COG7: variants seen among roughly 807,000 people sequenced by gnomAD.
The protein encoded by COG7 is component of oligomeric golgi complex 7.
Under a neutral mutation model 91.5 loss-of-function variants are expected in COG7, and 49 were observed. The ratio of observed to expected loss-of-function variants is 0.54; its 90% CI spans 0.43 to 0.68. The LOEUF is 0.68. Among genes scored for constraint, COG7 ranks in the 30% least tolerant of loss-of-function variants. COG7 has a pLI of 0.00. For synonymous variants in COG7, 365 were observed against 388.7 expected (o/e 0.94, Z 0.72); for missense variants, 895 against 961.3 (o/e 0.93, Z 0.91).
At chr16:23,433,819 G>T in intron 5 of COG7, 152 bp from the exon 6 acceptor site, 1 of 593,686 alleles carries the variant, frequency 1.7e-6, no homozygotes, top group Non-Finnish European at 2.9e-6. Context: ...AGAAAGGCAG[G>T]AAAAAAAAAA....
intron 10 of COG7, 99 bp from the exon 11 acceptor site, chr16:23,410,459 C>T: frequency 9.9e-7 from 1 of 1,006,884 alleles, no homozygotes; most frequent in Non-Finnish European, 1.5e-6. Context: ...CTATTTGCTC[C>T]TTTGGGTAGT....
At position 23,452,997 on chromosome 16, in the gene COG7, C is replaced by A; in HGVS notation, c.-3G>T. 1 of 1,614,038 alleles carries A rather than the reference C, an allele frequency of 6.2e-7. No individual in the cohort carries two copies. The highest frequency in any genetic ancestry group is 1.1e-5 in the South Asian group (1 of 91,072). ...GCCAGGAACTTGGAGAAGTCCATGG[C>A]GGAACTGCCTCAGGCCTGGCGTCCA... is the stretch of plus-strand genomic sequence containing the variant. On this transcript the variant is annotated 5_prime_UTR_variant, in exon 1 of 17. Coordinates refer to ENST00000307149, the MANE Select transcript of COG7 (RefSeq NM_153603.4).
At chr16:23,391,518 G>A (rs551999900) in intron 16 of COG7, among the ~76,000 whole-genome samples, 14 of 152,286 alleles carry the variant, frequency 9.2e-5, no homozygotes, top group African/African-American at 3.1e-4. Flanking sequence ...TCTGGGACCC[G>A]GAGGAAAGCA....
chr16:23,418,584 G>T, intron 8 of COG7, 116 bp downstream of exon 8: 2 of 848,888 alleles, frequency 2.4e-6, no homozygotes, highest in Non-Finnish European at 4.0e-6. Flanking sequence ...GCCCACAAGT[G>T]CTTAAAGGTC....
chr16:23,418,912 C>G, intron 7 of COG7, 85 bp from the exon 8 acceptor site: 1 of 1,255,136 alleles, frequency 8.0e-7, no homozygotes, highest in Admixed American at 1.8e-5. Context: ...AGGCGCTCTA[C>G]TAGAACTTTC....
chr16:23,403,693 C>G lies in COG7; in HGVS notation c.1803+1G>C. 1 of 1,613,962 alleles carries G rather than the reference C, an allele frequency of 6.2e-7. No individual in the cohort carries two copies. On this transcript the variant is annotated splice_donor_variant, in intron 13 of 16. Transcript: ENST00000307149. LOFTEE classifies it high-confidence loss of function. ...ATTGATGTGGTCAGTGAGAAACTCA[C>G]GTCCATCTTCGAAATAAGCAACAGC...
intron 14 of COG7, among the ~76,000 whole-genome samples, chr16:23,395,227 A>T (rs912994018): frequency 2.0e-5 from 3 of 152,196 alleles, no homozygotes; most frequent in African/African-American, 7.2e-5. Context: ...TAATAACAAC[A>T]GCTACTGTAA....
At chr16:23,398,548 C>T (rs1261946914) in intron 13 of COG7, among the ~76,000 whole-genome samples, 3 of 152,128 alleles carry the variant, frequency 2.0e-5, no homozygotes, top group African/African-American at 7.2e-5. Flanking sequence ...CCTTAGCACC[C>T]TAAGGAGAAC....
At chr16:23,400,630 T>G (rs1272009242) in intron 13 of COG7, among the ~76,000 whole-genome samples, 2 of 152,166 alleles carry the variant, frequency 1.3e-5, no homozygotes, top group Non-Finnish European at 1.5e-5. Flanking sequence ...GAAAGAAGTT[T>G]GGAAGAAGCG....
intron 9 of COG7, chr16:23,416,613 G>A (rs1963658680): frequency 6.0e-6 from 2 of 334,470 alleles, no homozygotes; most frequent in Non-Finnish European, 1.2e-5. Context: ...GATTACAGGC[G>A]TGATTCACCG....
rs143663671 is a variant in COG7, at chr16:23,423,174, T to A, written c.1009+1575A>T. Among the ~76,000 whole-genome samples, 814 of 151,980 alleles carry A rather than the reference T, an allele frequency of 5.4e-3. 6 individuals are homozygous for A. Among genetic ancestry groups the A allele is most frequent in the African/African-American group, 0.018 (747 of 41,444 alleles). On this transcript the variant is annotated intron_variant, in intron 7 of 16. Transcript: ENST00000307149. ...TGAGGTCATGAGTTCGAGACCAGCC[T>A]GGCCAACATGGCGAAACCCCATCTC...
intron 13 of COG7, among the ~76,000 whole-genome samples, chr16:23,398,880 G>C (rs1485969415): frequency 6.6e-6 from 1 of 152,128 alleles, no homozygotes; most frequent in African/African-American, 2.4e-5. Context: ...CCGTGTTGTT[G>C]TGGAAGCCTT....
chr16:23,445,724 C>G (rs965795833), intron 2 of COG7, 89 bp downstream of exon 2: 1 of 1,333,448 alleles, frequency 7.5e-7, no homozygotes. Context: ...TCCCAAAACA[C>G]CGTGCTGTTC....
chr16:23,396,536 A>C (rs145213795), intron 14 of COG7, among the ~76,000 whole-genome samples: 22 of 151,628 alleles, frequency 1.5e-4, no homozygotes, highest in Non-Finnish European at 2.9e-4. Flanking sequence ...AAAATTAGCC[A>C]GGTGTGGTGG....
chr16:23,446,026 C>T (rs939437708), intron 1 of COG7, 65 bp from the exon 2 acceptor site: 1 of 1,552,940 alleles, frequency 6.4e-7, no homozygotes, highest in Non-Finnish European at 8.8e-7. Flanking sequence ...GAAAGTTGGA[C>T]CAGCCACCAG....
chr16:23,403,189 G>T (rs1437420132), intron 13 of COG7, among the ~76,000 whole-genome samples: 1 of 152,172 alleles, frequency 6.6e-6, no homozygotes, highest in Non-Finnish European at 1.5e-5. Context: ...AAAGGAAAGT[G>T]AGTCGATTCT....
At chr16:23,415,609 GTCA>G (rs1963639747) in intron 9 of COG7, 1 of 152,104 alleles carries the variant, frequency 6.6e-6, no homozygotes, top group Non-Finnish European at 1.5e-5. Context: ...AGGAGATATT[GTCA>G]TCATCAGTTT....
At chr16:23,450,407 G>A (rs1156492324) in intron 1 of COG7, among the ~76,000 whole-genome samples, 1 of 152,148 alleles carries the variant, frequency 6.6e-6, no homozygotes, top group African/African-American at 2.4e-5. Flanking sequence ...ATCCGTCATT[G>A]TAATTTACTG....
At chr16:23,407,974 T>G (rs1174045473) in intron 11 of COG7, among the ~76,000 whole-genome samples, 1 of 150,282 alleles carries the variant, frequency 6.7e-6, no homozygotes, top group Admixed American at 6.7e-5. Flanking sequence ...ATGCTCCCAT[T>G]AATTTCTAAG....
Sources: gnomAD v4.1 joint callset for allele counts (sites outside exome capture counted in the v4.1 genomes callset) on GRCh38, gnomAD v4.1.1 for gene constraint, MANE v1.5 for transcripts, NCBI Gene and HGNC (gene_info 2026-07-23, HGNC 2026-07-21) for gene names.